The following SEMA3A variants were observed in gnomAD, a reference collection of about 807,000 sequenced individuals.
The protein encoded by SEMA3A is semaphorin-3A.
Under a neutral mutation model 97.9 loss-of-function variants are expected in SEMA3A, and 29 were observed. The observed-to-expected ratio is 0.30, with a 90% CI of 0.22 to 0.40. SEMA3A has a LOEUF of 0.40. SEMA3A is among the 10% of genes least tolerant of loss of function. The pLI is 1.00. For synonymous variants in SEMA3A, 321 were observed against 323.7 expected, an observed-to-expected ratio of 0.99 and a Z score of 0.09; for missense variants, 763 against 951.3, an observed-to-expected ratio of 0.80 and a Z score of 2.60.
intron 2 of SEMA3A, among the ~76,000 whole-genome samples, chr7:84,336,768 A>G (rs888513575): frequency 1.2e-4 from 19 of 152,258 alleles, no homozygotes; most frequent in African/African-American, 4.6e-4. Flanking sequence ...CCAATTACAT[A>G]TATATCTTCA....
intron 1 of SEMA3A, among the ~76,000 whole-genome samples, chr7:84,441,915 C>T (rs966253606): frequency 1.3e-5 from 2 of 152,112 alleles, no homozygotes; most frequent in Admixed American, 6.6e-5. Flanking sequence ...CAAAACAAAT[C>T]TCAGGGAGAA....
At chr7:84,483,301 A>T (rs1806492354) in intron 1 of SEMA3A, among the ~76,000 whole-genome samples, 1 of 152,176 alleles carries the variant, frequency 6.6e-6, no homozygotes, top group Non-Finnish European at 1.5e-5. Flanking sequence ...TTACTGGGAA[A>T]ATTTACCTAT....
chr7:84,187,233 T>C (rs1797914278), intron 1 of SEMA3A, among the ~76,000 whole-genome samples: 1 of 152,166 alleles, frequency 6.6e-6, no homozygotes, highest in African/African-American at 2.4e-5. Flanking sequence ...ACAACTTCAT[T>C]TGGTAGAACT....
At chr7:84,181,926 T>C (rs928145887) in intron 1 of SEMA3A, among the ~76,000 whole-genome samples, 2 of 152,140 alleles carry the variant, frequency 1.3e-5, no homozygotes, top group African/African-American at 4.8e-5. Flanking sequence ...GTCAGCTTGG[T>C]GCATAAGTGT....
chr7:84,046,010 C>T lies in SEMA3A; in HGVS notation c.667+314G>A, dbSNP rs116463558. Among the ~76,000 whole-genome samples the T allele has an allele frequency of 1.9e-3, 294 of 151,672 alleles. 1 individual carries two copies. The highest frequency in any genetic ancestry group is 6.6e-3 in the African/African-American group (274 of 41,402). ...ACACTGTAAGATTTGTTGTGGTGTC[C>T]CCATAAGACAGAATTGGTAAGTCAT... On this transcript the variant is annotated intron_variant, in intron 6 of 16. Transcript: ENST00000265362.
chr7:84,491,132 G>A (rs1806713241), intron 1 of SEMA3A, among the ~76,000 whole-genome samples: 1 of 152,056 alleles, frequency 6.6e-6, no homozygotes, highest in African/African-American at 2.4e-5. Flanking sequence ...GAGTCATCAG[G>A]ATTCTACCGT....
intron 5 of SEMA3A, among the ~76,000 whole-genome samples, chr7:84,048,740 T>G (rs2115597750): frequency 6.6e-6 from 1 of 152,170 alleles, no homozygotes; most frequent in South Asian, 2.1e-4. Context: ...AGTCAGACCA[T>G]GTCAACAGGA....
chr7:84,424,616 T>C (rs1804716613), intron 1 of SEMA3A, among the ~76,000 whole-genome samples: 1 of 44,506 alleles, frequency 2.2e-5, no homozygotes, highest in South Asian at 7.0e-4. Context: ...ATATATAATA[T>C]AATATATAAT....
chr7:84,425,558 TTA>T (rs1438125416), intron 1 of SEMA3A, among the ~76,000 whole-genome samples: 4 of 145,110 alleles, frequency 2.8e-5, no homozygotes, highest in South Asian at 4.2e-4. Context: ...ATAAACATAT[TTA>T]TATGAGTATA....
intron 2 of SEMA3A, among the ~76,000 whole-genome samples, chr7:84,316,546 A>G (rs191567619): frequency 6.4e-4 from 97 of 152,198 alleles, no homozygotes; most frequent in African/African-American, 2.1e-3. Flanking sequence ...AACAAGATAA[A>G]AGAGGTGCTA....
chr7:84,055,047 G>A (rs1311222988), intron 5 of SEMA3A, among the ~76,000 whole-genome samples: 8 of 152,104 alleles, frequency 5.3e-5, no homozygotes. Flanking sequence ...CACTTGAGGA[G>A]GCAGTCTGCC....
intron 15 of SEMA3A, among the ~76,000 whole-genome samples, chr7:83,976,873 T>G (rs746069780): frequency 6.6e-6 from 1 of 152,168 alleles, no homozygotes; most frequent in Non-Finnish European, 1.5e-5. Flanking sequence ...TTTGTTAATA[T>G]AAGAAAGTTG....
intron 5 of SEMA3A, among the ~76,000 whole-genome samples, chr7:84,055,636 C>T (rs1008647449): frequency 2.0e-5 from 3 of 152,146 alleles, no homozygotes; most frequent in Non-Finnish European, 4.4e-5. Context: ...CCCGGTACCT[C>T]AGATGGAAAT....
At chr7:84,449,416 CTAAT>C (rs1163745919) in intron 1 of SEMA3A, among the ~76,000 whole-genome samples, 3 of 151,968 alleles carry the variant, frequency 2.0e-5, no homozygotes, top group African/African-American at 7.2e-5. Context: ...TGTTAAACCT[CTAAT>C]TAGACTAACC....
At position 84,151,702 on chromosome 7, in the gene SEMA3A, C is replaced by A. The variant is rs574892890; in HGVS notation, c.113-16751G>T. Among the ~76,000 whole-genome samples, 218 of 152,100 alleles carry A rather than the reference C, an allele frequency of 1.4e-3. 1 individual carries two copies. Among genetic ancestry groups the A allele is most frequent in the East Asian group, 0.013 (69 of 5,172 alleles). Reference sequence around the variant, plus strand: ...AAGACAAAATTGACAAATGGGATCTCATTAAACTAAAGAGCTTCTGCACAG... The same window carrying A: ...AAGACAAAATTGACAAATGGGATCTAATTAAACTAAAGAGCTTCTGCACAG... On this transcript the variant is annotated intron_variant, in intron 1 of 16. Transcript: ENST00000265362.
intron 1 of SEMA3A, among the ~76,000 whole-genome samples, chr7:84,437,590 G>C (rs1373951417): frequency 6.7e-6 from 1 of 148,940 alleles, no homozygotes; most frequent in Non-Finnish European, 1.5e-5. Flanking sequence ...AAGTAAAAGA[G>C]GAAAAAGCTG....
intron 3 of SEMA3A, among the ~76,000 whole-genome samples, chr7:84,123,716 T>A (rs1795702494): frequency 6.8e-6 from 1 of 148,142 alleles, no homozygotes; most frequent in African/African-American, 2.5e-5. Flanking sequence ...TTTATATATA[T>A]CAGATAAAAT....
intron 4 of SEMA3A, 126 bp downstream of exon 4, chr7:84,110,344 C>A: frequency 1.0e-6 from 1 of 984,674 alleles, no homozygotes; most frequent in Non-Finnish European, 1.5e-6. Context: ...ATAACAGCAT[C>A]TGAGTTTGAA....
chr7:84,036,956 C>T lies in SEMA3A; in HGVS notation c.667+9368G>A, dbSNP rs546793849. On this transcript the variant is annotated intron_variant, in intron 6 of 16. Transcript: ENST00000265362. The stretch of plus-strand genomic sequence containing the variant: ...CCTTTGGATAGGAGACTATATGGTA[C>T]AGTTTGGGGATATTTATTTCAGTTT... Among the ~76,000 whole-genome samples the T allele has an allele frequency of 2.3e-3, 348 of 152,048 alleles. 1 individual carries two copies. Among genetic ancestry groups the T allele is most frequent in the South Asian group, 5.4e-3 (26 of 4,816 alleles).
Sources: gnomAD v4.1 joint callset for allele counts (sites outside exome capture counted in the v4.1 genomes callset) on GRCh38, gnomAD v4.1.1 for gene constraint, MANE v1.5 for transcripts, NCBI Gene and HGNC (gene_info 2026-07-23, HGNC 2026-07-21) for gene names.